CTNNA3: variants seen among roughly 807,000 people sequenced by gnomAD.
The protein encoded by CTNNA3 is catenin alpha-3.
A neutral mutation model predicts 95.7 loss-of-function variants in CTNNA3; 76 were observed. That is an observed-to-expected ratio of 0.79 (90% CI 0.66 to 0.96). The LOEUF (loss-of-function observed/expected upper bound fraction) is 0.96. Ranked by LOEUF, CTNNA3 falls within the 40% of genes least tolerant of loss-of-function variation. CTNNA3 has a pLI of 0.00. For missense variants in CTNNA3, 1,191 were observed against 1,089.8 expected (o/e 1.09, Z -1.31); for synonymous variants, 431 against 374.4 (o/e 1.15, Z -1.74).
chr10:66,787,353 A>G (rs1003102750), intron 7 of CTNNA3, among the ~76,000 whole-genome samples: 2 of 151,866 alleles, frequency 1.3e-5, no homozygotes, highest in African/African-American at 4.8e-5. Context: ...TTACTCTATA[A>G]GAGAAAATAT....
chr10:67,037,646 A>G (rs1401809927), intron 7 of CTNNA3, among the ~76,000 whole-genome samples: 2 of 152,168 alleles, frequency 1.3e-5, no homozygotes, highest in African/African-American at 4.8e-5. Context: ...ACACTAACAG[A>G]GGGTGAGGAA....
intron 7 of CTNNA3, among the ~76,000 whole-genome samples, chr10:67,143,135 T>C (rs886400069): frequency 6.6e-6 from 1 of 150,844 alleles, no homozygotes; most frequent in Admixed American, 6.6e-5. Flanking sequence ...TGACTCTTTC[T>C]TTCACAAAAG....
At chr10:66,699,072 A>G (rs1564626571) in intron 9 of CTNNA3, among the ~76,000 whole-genome samples, 1 of 152,192 alleles carries the variant, frequency 6.6e-6, no homozygotes, top group Non-Finnish European at 1.5e-5. Context: ...CACATAAACA[A>G]TCACATCTGT....
chr10:66,698,486 A>C lies in CTNNA3; in HGVS notation c.1281+67778T>G, dbSNP rs16923451. Among the ~76,000 whole-genome samples the C allele has an allele frequency of 0.014, 2,014 of 145,694 alleles. 77 individuals carry two copies. The East Asian group carries it at 0.16, about 12-fold the overall frequency. The stretch of plus-strand genomic sequence containing the variant: ...CTTTAAAGGGCCTGTGGCACTGATT[A>C]CAAAAAAATGTTAAGTGGTATTTCA... On this transcript the variant is annotated intron_variant, in intron 9 of 17. Coordinates refer to ENST00000433211, the MANE Select transcript of CTNNA3 (RefSeq NM_013266.4).
chr10:66,482,069 T>C (rs554220600), intron 11 of CTNNA3, among the ~76,000 whole-genome samples: 2 of 152,310 alleles, frequency 1.3e-5, no homozygotes, highest in South Asian at 2.1e-4. Flanking sequence ...GAGGAAGATA[T>C]ATTCTAGCTG....
intron 1 of CTNNA3, among the ~76,000 whole-genome samples, chr10:67,748,097 G>A (rs1589588484): frequency 6.6e-6 from 1 of 152,172 alleles, no homozygotes; most frequent in East Asian, 1.9e-4. Flanking sequence ...GAGAACTATG[G>A]GACTACATAA....
intron 5 of CTNNA3, among the ~76,000 whole-genome samples, chr10:67,387,575 G>A (rs1219524497): frequency 6.6e-6 from 1 of 152,196 alleles, no homozygotes; most frequent in African/African-American, 2.4e-5. Flanking sequence ...AAGGAGGCCT[G>A]CCTGCCTCTG....
At chr10:66,714,288 C>A (rs1335030576) in intron 9 of CTNNA3, among the ~76,000 whole-genome samples, 2 of 152,074 alleles carry the variant, frequency 1.3e-5, no homozygotes, top group Non-Finnish European at 2.9e-5. Context: ...AATTAAATTG[C>A]ACCTTTACGC....
intron 7 of CTNNA3, among the ~76,000 whole-genome samples, chr10:66,887,899 G>A (rs374777261): frequency 3.3e-5 from 5 of 152,256 alleles, no homozygotes; most frequent in South Asian, 4.1e-4. Context: ...TCAAGGTTAC[G>A]TGAGATGTGT....
chr10:67,690,705 C>T (rs949446650), intron 1 of CTNNA3, among the ~76,000 whole-genome samples: 3 of 152,204 alleles, frequency 2.0e-5, no homozygotes, highest in Admixed American at 6.5e-5. Context: ...GACCCTGAAG[C>T]CTAGCCAGCT....
intron 10 of CTNNA3, among the ~76,000 whole-genome samples, chr10:66,610,336 G>GT (rs1189187814): frequency 5.3e-5 from 8 of 151,988 alleles, no homozygotes; most frequent in Non-Finnish European, 4.4e-5. Flanking sequence ...GAACTTAAAA[G>GT]TTTTTTTAAA....
chr10:66,090,081 G>A (rs7916078), intron 14 of CTNNA3, among the ~76,000 whole-genome samples: 75,419 of 151,732 alleles, frequency 0.5, 18,876 homozygotes, highest in East Asian at 0.64. Flanking sequence ...CATCTGGTGT[G>A]ATAACAGCCC....
chr10:66,520,529 G>A (rs960500001), intron 11 of CTNNA3, 88 bp downstream of exon 11: 42 of 1,234,740 alleles, frequency 3.4e-5, no homozygotes, highest in Non-Finnish European at 4.6e-5. Flanking sequence ...TGGCATTACA[G>A]GCATGAGCCA....
At chr10:67,628,412 A>G (rs1351580444) in intron 2 of CTNNA3, among the ~76,000 whole-genome samples, 1 of 152,128 alleles carries the variant, frequency 6.6e-6, no homozygotes, top group Non-Finnish European at 1.5e-5. Flanking sequence ...GAATGACTTT[A>G]TTTCACAGTA....
At chr10:67,683,129 G>A (rs1375471909) in intron 1 of CTNNA3, among the ~76,000 whole-genome samples, 2 of 152,172 alleles carry the variant, frequency 1.3e-5, no homozygotes, top group African/African-American at 4.8e-5. Context: ...AGATTCCTTT[G>A]TAATCCCACA....
rs114347813 is a variant in CTNNA3, at chr10:66,276,723, G to A, written c.1884+3747C>T. 2.5e-3 allele frequency among the ~76,000 whole-genome samples: 376 copies of A among 151,990 alleles called. 2 individuals carry two copies. The highest frequency in any genetic ancestry group is 7.6e-3 in the African/African-American group (315 of 41,506). The stretch of plus-strand genomic sequence containing the variant: ...AAGCATGCTTATGTAGTTAATATTC[G>A]TCAAGATATGCAAAAATATTAATTA... On this transcript the variant is annotated intron_variant, in intron 13 of 17. Coordinates refer to ENST00000433211, the MANE Select transcript of CTNNA3 (RefSeq NM_013266.4).
In CTNNA3 at chr10:66,331,338, G is replaced by GCTTGCT. The variant is rs1417713676; in HGVS notation, c.1732+47813_1732+47814insAGCAAG. ...TTAAATATGGACTCCTTTCCCCATT[G>GCTTGCT]TTTGTTTTTTTTTTTTTTTTTTTTT... On this transcript the variant is annotated intron_variant, in intron 12 of 17. Transcript: ENST00000433211. Among the ~76,000 whole-genome samples, 287 of 39,088 alleles carry GCTTGCT rather than the reference G, an allele frequency of 7.3e-3. 57 individuals are homozygous for GCTTGCT. The highest frequency in any genetic ancestry group is 0.018 in the African/African-American group (246 of 13,972). 25.6% of individuals were successfully genotyped at this position (39,088 alleles called of 152,430 possible).
chr10:67,219,534 ATCT>A, intron 6 of CTNNA3, 70 bp downstream of exon 6: 1 of 1,460,024 alleles, frequency 6.8e-7, no homozygotes, highest in South Asian at 1.5e-5. Flanking sequence ...CAACATGTGG[ATCT>A]TCTTCTGTTT....
intron 13 of CTNNA3, among the ~76,000 whole-genome samples, chr10:66,176,299 C>G (rs1427993089): frequency 6.6e-6 from 1 of 152,174 alleles, no homozygotes; most frequent in Non-Finnish European, 1.5e-5. Context: ...GATAATGCTT[C>G]TGAAAACCAT....
Sources: allele counts gnomAD v4.1 joint callset (sites outside exome capture counted in the v4.1 genomes callset), GRCh38; gene constraint gnomAD v4.1.1; transcripts MANE v1.5; gene names NCBI Gene and HGNC (gene_info 2026-07-23, HGNC 2026-07-21).